Variants in DOP1B observed in about 807,000 individuals in gnomAD.
DOP1B encodes DOP1 leucine zipper like protein B.
In DOP1B, 174 loss-of-function variants were observed where a neutral mutation model predicts 233.5. The observed-to-expected ratio is 0.75, with a 90% CI of 0.66 to 0.85. The LOEUF is 0.85. Among genes scored for constraint, DOP1B ranks in the 40% least tolerant of loss-of-function variants. DOP1B has a pLI of 0.00. For missense variants in DOP1B, 2,652 were observed against 2,846.6 expected (o/e 0.93, Z 1.56); for synonymous variants, 1,190 against 1,185.6 (o/e 1.00, Z -0.08).
Position 36,231,143 on chromosome 21 carries a change from C to G in DOP1B, c.2350+9C>G. 1.9e-6 allele frequency: 3 copies of G among 1,566,308 alleles called. No homozygotes were observed. The highest frequency in any genetic ancestry group is 2.6e-6 in the Non-Finnish European group (3 of 1,153,158). ...GCTCTTCCAGCTGCCAGGTGAGAGG[C>G]AGCCCTGCCGAAGTCCCTCTTTGGG... On this transcript the variant is annotated intron_variant, in intron 14 of 36. Coordinates refer to ENST00000691173, the MANE Select transcript of DOP1B (RefSeq NM_001320714.2).
At chr21:36,178,688 GA>G (rs2066060140) in intron 2 of DOP1B, among the ~76,000 whole-genome samples, 1 of 152,070 alleles carries the variant, frequency 6.6e-6, no homozygotes, top group African/African-American at 2.4e-5. Flanking sequence ...GTATTTTTCA[GA>G]AAAAAAGCAA....
intron 27 of DOP1B, among the ~76,000 whole-genome samples, chr21:36,271,771 A>G (rs947356489): frequency 6.6e-6 from 1 of 152,044 alleles, no homozygotes; most frequent in Non-Finnish European, 1.5e-5. Flanking sequence ...ACATGGTGAT[A>G]GAAATCTGTG....
At chr21:36,200,061 A>G (rs951021730) in intron 3 of DOP1B, among the ~76,000 whole-genome samples, 2 of 152,238 alleles carry the variant, frequency 1.3e-5, no homozygotes, top group Non-Finnish European at 2.9e-5. Context: ...CAACAGTGTG[A>G]AAGTGTTCCT....
chr21:36,161,593 A>G (rs955695944), intron 1 of DOP1B, among the ~76,000 whole-genome samples: 5 of 152,130 alleles, frequency 3.3e-5, no homozygotes, highest in African/African-American at 7.2e-5. Context: ...GGCAGAAGCA[A>G]TCCTCCTACC....
rs112029529 is a variant in DOP1B, at chr21:36,207,924, G to A, written c.492-791G>A. Among the ~76,000 whole-genome samples, 1,448 of 152,276 alleles carry A rather than the reference G, an allele frequency of 9.5e-3. 26 individuals carry two copies. The highest frequency in any genetic ancestry group is 0.032 in the African/African-American group (1,323 of 41,550). On this transcript the variant is annotated intron_variant, in intron 4 of 36. Transcript: ENST00000691173. The stretch of plus-strand genomic sequence containing the variant: ...CGCAGTCAGCTGCAGGGACACCACC[G>A]AACAGACATGGGCCTGGCCTTGGTC...
At chr21:36,215,262 A>C (rs1227670616) in intron 9 of DOP1B, among the ~76,000 whole-genome samples, 1 of 152,160 alleles carries the variant, frequency 6.6e-6, no homozygotes, top group African/African-American at 2.4e-5. Context: ...TGTGGAGAGT[A>C]AAAACATTTT....
intron 23 of DOP1B, among the ~76,000 whole-genome samples, 187 bp from the exon 24 acceptor site, chr21:36,260,490 G>T (rs2067157979): frequency 1.3e-5 from 2 of 152,118 alleles, no homozygotes; most frequent in South Asian, 4.1e-4. Context: ...ATGATTTGGG[G>T]ACTCATAGGA....
rs1480498077 is a variant in DOP1B, at chr21:36,208,865, G to A, written c.642G>A (p.Arg214=). The change falls in exon 5 of 37, where the codon CGG becomes CGA. Residue 214 remains arginine (R), a synonymous_variant. Transcript: ENST00000691173. ...ACATCAACAGGGATGCCCCCGGCCG[G>A]GAGCAGAAGTACATGCTGGGGACCA... The part of the protein sequence containing the change: ...VGHINRDAPG[R]EQKYMLGTNH... 1.3e-6 allele frequency: 2 copies of A among 1,564,404 alleles called. No individual in the cohort carries two copies. The highest frequency in any genetic ancestry group is 1.7e-6 in the Non-Finnish European group (2 of 1,155,486).
chr21:36,163,280 G>T (rs1212402061), intron 1 of DOP1B, among the ~76,000 whole-genome samples: 1 of 149,676 alleles, frequency 6.7e-6, no homozygotes. Context: ...GGAAGCAGAG[G>T]TTGCAGTGAG....
At chr21:36,260,419 C>T (rs964736495) in intron 23 of DOP1B, among the ~76,000 whole-genome samples, 1 of 152,072 alleles carries the variant, frequency 6.6e-6, no homozygotes, top group African/African-American at 2.4e-5. Context: ...CCTGTTGACG[C>T]CTGGAATGTA....
chr21:36,182,560 G>T (rs746871725), intron 2 of DOP1B, among the ~76,000 whole-genome samples: 1 of 152,116 alleles, frequency 6.6e-6, no homozygotes. Context: ...CTGGCAGGGC[G>T]TGCTGGTTCA....
At position 36,199,093 on chromosome 21, in the gene DOP1B, C is replaced by T; in HGVS notation, c.162C>T (p.Tyr54=). The T allele has an allele frequency of 7.4e-6, 12 of 1,613,576 alleles. No homozygotes were observed. The highest frequency in any genetic ancestry group is 3.3e-5 in the South Asian group (3 of 90,960). ...LNKALQSNLR[Y]SLLPRRLLIS... is the part of the protein sequence containing the mutation. Reference sequence around the variant, plus strand: ...AGGCTCTTCAGAGTAACCTGAGGTACTCCTTGTTGCCAAGACGGCTCCTCA... The same window carrying T: ...AGGCTCTTCAGAGTAACCTGAGGTATTCCTTGTTGCCAAGACGGCTCCTCA... The change falls in exon 3 of 37, where the codon TAC becomes TAT. Residue 54 remains tyrosine, a synonymous_variant. Coordinates refer to ENST00000691173, the MANE Select transcript of DOP1B (RefSeq NM_001320714.2).
chr21:36,253,199 G>C (rs962842215), intron 22 of DOP1B, among the ~76,000 whole-genome samples: 2 of 152,146 alleles, frequency 1.3e-5, no homozygotes, highest in South Asian at 2.1e-4. Flanking sequence ...ATGGGAGCCT[G>C]GTTTATCTGT....
chr21:36,199,654 T>C (rs931542349), intron 3 of DOP1B, among the ~76,000 whole-genome samples: 2 of 152,168 alleles, frequency 1.3e-5, no homozygotes, highest in Non-Finnish European at 2.9e-5. Flanking sequence ...TTCTCATTGT[T>C]CAATCCCCAC....
intron 20 of DOP1B, 37 bp downstream of exon 20, chr21:36,247,665 C>T (rs777098284): frequency 6.9e-7 from 1 of 1,450,044 alleles, no homozygotes; most frequent in South Asian, 1.2e-5. Context: ...AGGCAATTTT[C>T]ATGTATTGTT....
chr21:36,287,159 G>A (rs1049882826), intron 32 of DOP1B, among the ~76,000 whole-genome samples: 3 of 152,074 alleles, frequency 2.0e-5, no homozygotes, highest in East Asian at 3.8e-4. Context: ...GAGTGTTAGG[G>A]GCTAGAGAGT....
At position 36,232,841 on chromosome 21, in the gene DOP1B, C is replaced by T; in HGVS notation, c.2388C>T (p.Ser796=). Residue 796 remains serine (S), a synonymous_variant, in exon 15 of 37, where the codon TCC becomes TCT. Coordinates refer to ENST00000691173, the MANE Select transcript of DOP1B (RefSeq NM_001320714.2). ...CCAGTTTTCCATCTTGGCTGAAGTC[C>T]CTCATGACTATTTGCTGCTGTGTGA... ...GDSSFPSWLK[S]LMTICCCVTD... 2 of 1,613,308 alleles carry T rather than the reference C, an allele frequency of 1.2e-6. No individual in the cohort carries two copies. The highest frequency in any genetic ancestry group is 1.7e-6 in the Non-Finnish European group (2 of 1,179,922).
At position 36,271,858 on chromosome 21, in the gene DOP1B, A is replaced by G. The variant is rs886420207; in HGVS notation, c.5632+1701A>G. ...AGAGAATTTAGCAAATCAAGCTGGGAGGGTTGGCTCATGCCTGTAATCCCA... is the reference window on the plus strand; with the variant it reads ...AGAGAATTTAGCAAATCAAGCTGGGGGGGTTGGCTCATGCCTGTAATCCCA... On this transcript the variant is annotated intron_variant, in intron 27 of 36. Coordinates refer to ENST00000691173, the MANE Select transcript of DOP1B (RefSeq NM_001320714.2). Among the ~76,000 whole-genome samples the G allele has an allele frequency of 6.7e-5, 10 of 149,328 alleles. No individual in the cohort carries two copies. The South Asian group carries it at 2.1e-3, about 32-fold the overall frequency.
chr21:36,219,601 A>G lies in DOP1B; in HGVS notation c.1250+109A>G, dbSNP rs549083657. On this transcript the variant is annotated intron_variant, in intron 10 of 36. Transcript: ENST00000691173. ...TTGTGAAGTGGTAGAGAAAGCAGAGATGCAGCAGGTGAGACCATTGGTGAA... is the reference window on the plus strand; with the variant it reads ...TTGTGAAGTGGTAGAGAAAGCAGAGGTGCAGCAGGTGAGACCATTGGTGAA... 8 of 1,468,676 alleles carry G rather than the reference A, an allele frequency of 5.4e-6. No individual in the cohort carries two copies. The African/African-American group carries it at 9.9e-5, about 18-fold the overall frequency. The allele number at this position is 1,468,676 out of a possible 1,614,324, so 91.0% of individuals were successfully genotyped here. A position where few individuals can be genotyped will look rare whatever the true frequency, so the allele number is the denominator to read the frequency against.
Sources: allele counts gnomAD v4.1 joint callset (sites outside exome capture counted in the v4.1 genomes callset), GRCh38; gene constraint gnomAD v4.1.1; transcripts MANE v1.5; gene names NCBI Gene and HGNC (gene_info 2026-07-23, HGNC 2026-07-21).